PPP2R5E: variants seen among roughly 807,000 people sequenced by gnomAD.
The protein encoded by PPP2R5E is serine/threonine-protein phosphatase 2A 56 kDa regulatory subunit epsilon isoform.
PPP2R5E carries 4 observed loss-of-function variants against 65.3 expected under a neutral mutation model. The observed-to-expected ratio is 0.06, with a 90% CI of 0.03 to 0.14. The LOEUF (loss-of-function observed/expected upper bound fraction) is 0.14, where lower values mean the gene tolerates loss of function less well. PPP2R5E is among the 10% of genes least tolerant of loss of function. PPP2R5E has a pLI of 1.00. For synonymous variants in PPP2R5E, 183 were observed against 187.4 expected (o/e 0.98, Z 0.19); for missense variants, 274 against 556.1 (o/e 0.49, Z 5.10).
intron 5 of PPP2R5E, among the ~76,000 whole-genome samples, chr14:63,413,531 G>T (rs1265656370): frequency 6.6e-6 from 1 of 152,152 alleles, no homozygotes; most frequent in Non-Finnish European, 1.5e-5. Context: ...CTCAGTTTAT[G>T]CATCTATAAA....
At chr14:63,424,117 T>TA (rs1189876934) in intron 3 of PPP2R5E, among the ~76,000 whole-genome samples, 7 of 152,184 alleles carry the variant, frequency 4.6e-5, no homozygotes, top group Non-Finnish European at 1.0e-4. Flanking sequence ...AAGACAGAAA[T>TA]AGACTGATTC....
intron 5 of PPP2R5E, 51 bp from the exon 6 acceptor site, chr14:63,396,767 A>T: frequency 6.3e-7 from 1 of 1,586,128 alleles, no homozygotes; most frequent in Non-Finnish European, 8.6e-7. Flanking sequence ...TCAGAAAAGG[A>T]TTTAGGAATT....
At chr14:63,488,869 T>TTAAATA (rs971770457) in intron 2 of PPP2R5E, among the ~76,000 whole-genome samples, 15 of 151,114 alleles carry the variant, frequency 9.9e-5, no homozygotes, top group African/African-American at 3.1e-4. Context: ...ATTAATTTAA[T>TTAAATA]TAAATATAAA....
chr14:63,482,277 T>C (rs555137566), intron 2 of PPP2R5E, among the ~76,000 whole-genome samples: 1 of 152,282 alleles, frequency 6.6e-6, no homozygotes, highest in East Asian at 1.9e-4. Context: ...CTGGCCAACA[T>C]GGTGAAACCC....
At chr14:63,438,598 G>T (rs571650988) in intron 3 of PPP2R5E, among the ~76,000 whole-genome samples, 1 of 152,154 alleles carries the variant, frequency 6.6e-6, no homozygotes, top group Admixed American at 6.5e-5. Context: ...TCATTACAGT[G>T]AGATATTATT....
At chr14:63,524,926 A>G (rs1893117972) in intron 2 of PPP2R5E, among the ~76,000 whole-genome samples, 1 of 152,222 alleles carries the variant, frequency 6.6e-6, no homozygotes, top group South Asian at 2.1e-4. Context: ...ACCCCAGCAC[A>G]GTATGACCAA....
At chr14:63,439,560 G>A (rs911555642) in intron 3 of PPP2R5E, among the ~76,000 whole-genome samples, 2 of 152,132 alleles carry the variant, frequency 1.3e-5, no homozygotes, top group African/African-American at 4.8e-5. Context: ...TTTTAGTAGA[G>A]ACGGGGTTTC....
At chr14:63,401,036 G>A (rs537331118) in intron 5 of PPP2R5E, among the ~76,000 whole-genome samples, 2 of 152,230 alleles carry the variant, frequency 1.3e-5, no homozygotes, top group South Asian at 2.1e-4. Flanking sequence ...TTTTCATTAG[G>A]CTCTCAACAA....
chr14:63,384,977 G>A (rs1388601738), intron 11 of PPP2R5E, among the ~76,000 whole-genome samples: 2 of 151,930 alleles, frequency 1.3e-5, no homozygotes, highest in South Asian at 2.1e-4. Flanking sequence ...TTACAGGCGT[G>A]AACCACCGTG....
At chr14:63,442,882 TC>T in intron 3 of PPP2R5E, among the ~76,000 whole-genome samples, 1 of 152,142 alleles carries the variant, frequency 6.6e-6, no homozygotes, top group South Asian at 2.1e-4. Context: ...ATTTCATATT[TC>T]CCCCCGGCAG....
intron 11 of PPP2R5E, among the ~76,000 whole-genome samples, chr14:63,387,602 A>G (rs1187383805): frequency 7.1e-6 from 1 of 140,328 alleles, no homozygotes; most frequent in East Asian, 2.0e-4. Flanking sequence ...TTATTAATGA[A>G]CACTTAATAA....
rs1222334985 is a variant in PPP2R5E, at chr14:63,375,499, T to A, written c.*510A>T. On this transcript the variant is annotated 3_prime_UTR_variant, in exon 14 of 14. Transcript: ENST00000337537. ...CGTGGACATTCAACTCAGGAAGATGTGCAAAAGAAAAAGATGTTAAATTAC... is the reference window on the plus strand; with the variant it reads ...CGTGGACATTCAACTCAGGAAGATGAGCAAAAGAAAAAGATGTTAAATTAC... The A allele has an allele frequency of 1.3e-5, 2 of 152,612 alleles. No homozygotes were observed. Among genetic ancestry groups the A allele is most frequent in the Non-Finnish European group, 2.9e-5 (2 of 68,014 alleles). 9.5% of individuals were successfully genotyped at this position (152,612 alleles called of 1,614,324 possible).
At chr14:63,405,108 A>T (rs1219687208) in intron 5 of PPP2R5E, among the ~76,000 whole-genome samples, 1 of 152,250 alleles carries the variant, frequency 6.6e-6, no homozygotes, top group Non-Finnish European at 1.5e-5. Context: ...TCAGAGCAAT[A>T]AAGCCCTTTT....
At chr14:63,499,859 G>A (rs746239836) in intron 2 of PPP2R5E, among the ~76,000 whole-genome samples, 3 of 152,166 alleles carry the variant, frequency 2.0e-5, no homozygotes, top group African/African-American at 4.8e-5. Flanking sequence ...GGCTTGCTCC[G>A]GGTCATTCAG....
intron 12 of PPP2R5E, among the ~76,000 whole-genome samples, chr14:63,383,944 C>T (rs570505014): frequency 2.0e-5 from 3 of 152,308 alleles, no homozygotes; most frequent in African/African-American, 7.2e-5. Context: ...AAGGCTCACA[C>T]GAGTCCCACA....
At chr14:63,469,598 G>A (rs1295384071) in intron 2 of PPP2R5E, among the ~76,000 whole-genome samples, 3 of 152,220 alleles carry the variant, frequency 2.0e-5, no homozygotes, top group Non-Finnish European at 2.9e-5. Context: ...GGAGGCTGAG[G>A]CAGGAGAATG....
intron 10 of PPP2R5E, among the ~76,000 whole-genome samples, chr14:63,390,581 A>AT (rs1487975433): frequency 6.6e-6 from 1 of 152,248 alleles, no homozygotes; most frequent in Non-Finnish European, 1.5e-5. Flanking sequence ...TTTGAGATGT[A>AT]TCTGGGTAGC....
intron 11 of PPP2R5E, among the ~76,000 whole-genome samples, chr14:63,386,473 C>T (rs1382649440): frequency 2.0e-5 from 3 of 152,144 alleles, no homozygotes; most frequent in East Asian, 1.9e-4. Context: ...CTAAAGAGTT[C>T]GCACACTGGT....
intron 2 of PPP2R5E, among the ~76,000 whole-genome samples, chr14:63,493,580 T>C (rs28709089): frequency 7.2e-5 from 11 of 152,020 alleles, no homozygotes; most frequent in African/African-American, 2.7e-4. Context: ...CCAGAAACAG[T>C]TGTGACAGCA....
Sources: gnomAD v4.1 joint callset for allele counts (sites outside exome capture counted in the v4.1 genomes callset) on GRCh38, gnomAD v4.1.1 for gene constraint, MANE v1.5 for transcripts, NCBI Gene and HGNC (gene_info 2026-07-23, HGNC 2026-07-21) for gene names.